The following GPHN variants were observed in gnomAD, a reference collection of about 807,000 sequenced individuals.
GPHN encodes gephyrin.
Under a neutral mutation model 95.5 loss-of-function variants are expected in GPHN, and 17 were observed. That is an observed-to-expected ratio of 0.18 (90% CI 0.12 to 0.27). GPHN has a LOEUF of 0.27. GPHN is among the 10% of genes least tolerant of loss of function. GPHN has a pLI of 1.00. For missense variants in GPHN, 660 were observed against 978.1 expected, an observed-to-expected ratio of 0.67 and a Z score of 4.34; for synonymous variants, 320 against 322.5, an observed-to-expected ratio of 0.99 and a Z score of 0.08.
At chr14:67,191,852 T>A in the GPHN span, among the ~76,000 whole-genome samples, 3 of 152,236 alleles carry the variant, frequency 2.0e-5, no homozygotes, top group Admixed American at 6.5e-5. Context: ...CTCTTTTCTT[T>A]TACTAAAAGT....
chr14:66,905,021 C>G (rs1372837851), intron 5 of GPHN, among the ~76,000 whole-genome samples: 1 of 152,162 alleles, frequency 6.6e-6, no homozygotes. Flanking sequence ...ACCCCTTGAT[C>G]TTCCTCAACT....
chr14:67,144,250 A>AAAAAATAT (rs1168342196), intron 18 of GPHN, among the ~76,000 whole-genome samples: 6 of 57,764 alleles, frequency 1.0e-4, no homozygotes, highest in Non-Finnish European at 1.7e-4. Flanking sequence ...AAAAAAAAAA[A>AAAAAATAT]ATATATATAT....
At chr14:66,833,075 A>C (rs371688530) in intron 4 of GPHN, among the ~76,000 whole-genome samples, 2 of 152,132 alleles carry the variant, frequency 1.3e-5, no homozygotes, top group African/African-American at 4.8e-5. Context: ...CAAATACAGA[A>C]ATGAGAGATT....
At chr14:66,791,847 TA>T (rs1479449307) in intron 3 of GPHN, among the ~76,000 whole-genome samples, 19 of 152,174 alleles carry the variant, frequency 1.2e-4, no homozygotes, top group Non-Finnish European at 2.2e-4. Flanking sequence ...ATGCTCCTAA[TA>T]AAGACATAGG....
At chr14:66,756,238 CAT>C (rs1377492394) in intron 2 of GPHN, among the ~76,000 whole-genome samples, 3 of 152,052 alleles carry the variant, frequency 2.0e-5, no homozygotes, top group African/African-American at 7.2e-5. Flanking sequence ...TGCATGTGTA[CAT>C]GTCAATATTT....
At chr14:67,177,109 CCTT>C (rs1170823420) in intron 21 of GPHN, among the ~76,000 whole-genome samples, 1 of 152,076 alleles carries the variant, frequency 6.6e-6, no homozygotes, top group African/African-American at 2.4e-5. Context: ...TTATTTCTTG[CCTT>C]CTTCTAGCTT....
At chr14:67,450,551 A>G in the GPHN span, among the ~76,000 whole-genome samples, 2 of 152,002 alleles carry the variant, frequency 1.3e-5, no homozygotes, top group African/African-American at 4.8e-5. Context: ...AACAAATGTG[A>G]CTCTTCTTAC....
chr14:66,965,673 T>A (rs567882645), intron 9 of GPHN, among the ~76,000 whole-genome samples: 1 of 152,288 alleles, frequency 6.6e-6, no homozygotes, highest in East Asian at 1.9e-4. Context: ...TTTTGGCCAG[T>A]AAACAGCAAG....
At chr14:67,689,582 A>T in the GPHN span, among the ~76,000 whole-genome samples, 1 of 152,148 alleles carries the variant, frequency 6.6e-6, no homozygotes, top group East Asian at 1.9e-4. Context: ...CTTGCTTATG[A>T]AGCCTGAATT....
the GPHN span, among the ~76,000 whole-genome samples, chr14:67,267,173 A>G: frequency 1.3e-5 from 2 of 152,192 alleles, no homozygotes; most frequent in East Asian, 1.9e-4. Flanking sequence ...ATGCAACAAG[A>G]TGTCATTTTA....
the GPHN span, among the ~76,000 whole-genome samples, chr14:67,243,055 A>T: frequency 2.0e-5 from 3 of 152,144 alleles, no homozygotes; most frequent in Non-Finnish European, 4.4e-5. Flanking sequence ...AAAATTTATC[A>T]CCCATTCCAA....
At chr14:67,691,233 G>A in the GPHN span, 2 of 1,613,324 alleles carry the variant, frequency 1.2e-6, no homozygotes, top group Admixed American at 3.3e-5. Flanking sequence ...AAAACGTGGA[G>A]GTGCTTTTCC....
At chr14:67,198,118 G>T in the GPHN span, 2 of 1,587,654 alleles carry the variant, frequency 1.3e-6, no homozygotes, top group African/African-American at 2.7e-5. Flanking sequence ...TCCACTAATT[G>T]TGTTTCCATT....
the GPHN span, chr14:67,359,808 A>G: frequency 3.2e-6 from 4 of 1,269,610 alleles, no homozygotes; most frequent in Non-Finnish European, 4.5e-6. Flanking sequence ...TGGTTGTGTC[A>G]CTTGACCCCT....
chr14:67,274,335 A>C, the GPHN span, among the ~76,000 whole-genome samples: 2 of 152,150 alleles, frequency 1.3e-5, no homozygotes, highest in Admixed American at 6.5e-5. Context: ...TCAGCTTTCT[A>C]CATATGCCTA....
At chr14:67,682,163 GA>G in the GPHN span, among the ~76,000 whole-genome samples, 3 of 152,278 alleles carry the variant, frequency 2.0e-5, no homozygotes, top group Admixed American at 2.0e-4. Flanking sequence ...TTTAGTAACA[GA>G]AAACTGTCTT....
At chr14:66,526,002 T>TC (rs2058676129) in intron 1 of GPHN, among the ~76,000 whole-genome samples, 1 of 130,602 alleles carries the variant, frequency 7.7e-6, no homozygotes, top group Non-Finnish European at 1.8e-5. Flanking sequence ...TTTAAAGTAG[T>TC]TTTTTTTTTT....
chr14:66,986,174 G>A (rs1044379633), intron 9 of GPHN, among the ~76,000 whole-genome samples: 1 of 138,160 alleles, frequency 7.2e-6, no homozygotes, highest in African/African-American at 3.2e-5. Flanking sequence ...ACCATTTATA[G>A]TTCATTTCAG....
At chr14:67,437,551 C>A in the GPHN span, among the ~76,000 whole-genome samples, 5 of 152,050 alleles carry the variant, frequency 3.3e-5, no homozygotes, top group African/African-American at 1.2e-4. Flanking sequence ...GGCGGCTGTA[C>A]GTCTGAGAAT....
Sources: allele counts gnomAD v4.1 joint callset (sites outside exome capture counted in the v4.1 genomes callset), GRCh38; gene constraint gnomAD v4.1.1; transcripts MANE v1.5; gene names NCBI Gene and HGNC (gene_info 2026-07-23, HGNC 2026-07-21).